Variants in POLG observed in about 807,000 individuals in gnomAD.
POLG encodes DNA polymerase subunit gamma-1.
Under a neutral mutation model 155.4 loss-of-function variants are expected in POLG, and 110 were observed. That is an observed-to-expected ratio of 0.71 (90% CI 0.61 to 0.83). The LOEUF is 0.83. Among genes scored for constraint, POLG ranks in the 40% least tolerant of loss-of-function variants. The pLI, the probability that POLG is intolerant of heterozygous loss-of-function variation, is 0.00. For missense variants in POLG, 1,685 were observed against 1,627.5 expected, an observed-to-expected ratio of 1.04 and a Z score of -0.61; for synonymous variants, 701 against 631.5, an observed-to-expected ratio of 1.11 and a Z score of -1.65.
chr15:89,317,113 T>G lies in POLG; in HGVS notation c.3643+263A>C, dbSNP rs1051297210. On this transcript the variant is annotated intron_variant, in intron 22 of 22. Transcript: ENST00000268124. ...GAGTGCAAGAATGCACTCTATAGAA[T>G]AAATTATCTTTAAACATTTCTTCTG... is the stretch of plus-strand genomic sequence containing the variant. The G allele has an allele frequency of 1.9e-5, 11 of 593,654 alleles. No individual in the cohort carries two copies. The African/African-American group carries it at 2.0e-4, about 11-fold the overall frequency. The allele number at this position is 593,654 out of a possible 1,614,324, so 36.8% of individuals were successfully genotyped here.
Position 89,319,292 on chromosome 15 carries a change from T to C in POLG, c.3040A>G (p.Arg1014Gly), listed in dbSNP as rs764195223. 5.0e-6 allele frequency: 8 copies of C among 1,614,050 alleles called. No individual in the cohort carries two copies. In the Admixed American group the frequency reaches 1.3e-4, roughly 27 times the overall value. ...LVRELNLPVD[R>G]TEGGWISLQD... ...AGGGAAATCCAGCCACCCTCAGTCC[T>C]GTCCACTGGGAGGTTCAACTCCCTC... Residue 1014 changes from arginine (R) to glycine (G), a missense_variant, in exon 19 of 23, where the codon AGG becomes GGG. By Grantham distance (125) the Arg-to-Gly change is moderately radical. Coordinates refer to ENST00000268124, the MANE Select transcript of POLG (RefSeq NM_002693.3).
At chr15:89,327,859 G>A (rs1483849624) in intron 6 of POLG, among the ~76,000 whole-genome samples, 1 of 151,894 alleles carries the variant, frequency 6.6e-6, no homozygotes, top group African/African-American at 2.4e-5. Flanking sequence ...TCTTTATGAT[G>A]ATCCACTTCC....
In POLG at chr15:89,316,742, C is replaced by T. The variant is rs527419983; in HGVS notation, c.*9G>A. On this transcript the variant is annotated 3_prime_UTR_variant, in exon 23 of 23. Transcript: ENST00000268124. ...TCCACGGGAGCAAATACAGAGCCTCCAGGCAGTGCTATGGTCCAGGCTGGC... is the reference window on the plus strand; with the variant it reads ...TCCACGGGAGCAAATACAGAGCCTCTAGGCAGTGCTATGGTCCAGGCTGGC... The T allele has an allele frequency of 3.7e-6, 6 of 1,606,822 alleles. No individual in the cohort carries two copies. In the African/African-American group the frequency reaches 5.3e-5, roughly 14 times the overall value.
At chr15:89,320,206 A>G (rs546643293) in intron 18 of POLG, among the ~76,000 whole-genome samples, 5 of 152,358 alleles carry the variant, frequency 3.3e-5, no homozygotes, top group Admixed American at 3.3e-4. Flanking sequence ...AGTGTACTGT[A>G]CCTCAGGAAG....
intron 10 of POLG, among the ~76,000 whole-genome samples, chr15:89,325,111 AGAGTGAGT>A (rs554059036): frequency 1.4e-4 from 5 of 36,910 alleles, no homozygotes; most frequent in Admixed American, 4.4e-4. Context: ...AGAGTGAGAG[AGAGTGAGT>A]GAGTGAGTGA....
intron 2 of POLG, 95 bp downstream of exon 2, chr15:89,333,001 C>A: frequency 6.8e-7 from 1 of 1,469,304 alleles, no homozygotes; most frequent in Non-Finnish European, 9.0e-7. Flanking sequence ...CGTGAGCACC[C>A]AGCCCGTAAC....
intron 16 of POLG, 109 bp downstream of exon 16, chr15:89,321,626 TC>T: frequency 1.2e-6 from 1 of 858,292 alleles, no homozygotes; most frequent in Non-Finnish European, 2.0e-6. Flanking sequence ...CTGACCCAGA[TC>T]ACAGGGTCCT....
intron 2 of POLG, 127 bp downstream of exon 2, chr15:89,332,969 T>C: frequency 1.5e-6 from 2 of 1,291,456 alleles, no homozygotes; most frequent in South Asian, 1.9e-5. Flanking sequence ...CTAGTCCTAA[T>C]TCAACACATC....
At chr15:89,326,161 T>G (rs2055514406) in intron 9 of POLG, among the ~76,000 whole-genome samples, 1 of 152,206 alleles carries the variant, frequency 6.6e-6, no homozygotes, top group Non-Finnish European at 1.5e-5. Context: ...GGCACCCTGC[T>G]GCTCACCCTG....
intron 22 of POLG, chr15:89,317,110 G>T: frequency 1.7e-6 from 1 of 592,974 alleles, no homozygotes; most frequent in Non-Finnish European, 3.0e-6. Context: ...GCACTCTATA[G>T]AATAAATTAT....
intron 12 of POLG, 27 bp downstream of exon 12, chr15:89,323,788 G>A: frequency 1.9e-6 from 3 of 1,586,302 alleles, no homozygotes; most frequent in Non-Finnish European, 2.6e-6. Context: ...CACCCACCTA[G>A]AGAACCCAAG....
Position 89,319,226 on chromosome 15 carries a change from A to C in POLG, c.3104+2T>G. Reference sequence around the variant, plus strand: ...CATCCTTAACACAAAGAAGGTTCTTACTTCCTTGCAGTTTCTCTCTGGACC... The same window carrying C: ...CATCCTTAACACAAAGAAGGTTCTTCCTTCCTTGCAGTTTCTCTCTGGACC... On this transcript the variant is annotated splice_donor_variant, in intron 19 of 22. Transcript: ENST00000268124. LOFTEE classifies it high-confidence loss of function. The C allele has an allele frequency of 6.2e-7, 1 of 1,614,112 alleles. No homozygotes were observed.
Position 89,316,702 on chromosome 15 carries a change from C to T in POLG, c.*49G>A, listed in dbSNP as rs758880377. The T allele has an allele frequency of 7.1e-7, 1 of 1,409,154 alleles. No individual in the cohort carries two copies. Among genetic ancestry groups the T allele is most frequent in the Admixed American group, 1.9e-5 (1 of 51,600 alleles). The allele number at this position is 1,409,154 out of a possible 1,614,324, so 87.3% of individuals were successfully genotyped here. A position where few individuals can be genotyped will look rare whatever the true frequency, so the allele number is the denominator to read the frequency against. On this transcript the variant is annotated 3_prime_UTR_variant, in exon 23 of 23. Transcript: ENST00000268124. ...GAAAGCCTGAGTTTGGGAGCCTGCACCACCCCGATGAAGCTCCACGGGAGC... is the reference window on the plus strand; with the variant it reads ...GAAAGCCTGAGTTTGGGAGCCTGCATCACCCCGATGAAGCTCCACGGGAGC...
In POLG at chr15:89,323,412, G is replaced by A. The variant is rs1446536384; in HGVS notation, c.2257C>T (p.Pro753Ser). ...DIPGCWFFKL[P>S]HKDGNSCNVG... ...CATGACCCAGGACACACCTTGTGAG[G>A]CAGCTTGAAAAACCAGCAGCCAGGG... Residue 753 changes from proline to serine, a missense_variant, in exon 13 of 23, where the codon CCT becomes TCT. This residue lies in a region of POLG where 1,210 missense variants were observed against 1,167.1 expected (regional missense o/e 1.04). Transcript: ENST00000268124. 3 of 1,607,816 alleles carry A rather than the reference G, an allele frequency of 1.9e-6. No homozygotes were observed. In the African/African-American group the frequency reaches 4.0e-5, roughly 21 times the overall value.
intron 9 of POLG, 72 bp from the exon 10 acceptor site, chr15:89,325,758 A>T: frequency 8.4e-7 from 1 of 1,184,090 alleles, no homozygotes. Flanking sequence ...TCTCTCTCTC[A>T]CAATGTCCCC....
At chr15:89,332,613 CG>C (rs3216330) in intron 2 of POLG, among the ~76,000 whole-genome samples, 4 of 60,464 alleles carry the variant, frequency 6.6e-5, no homozygotes, top group African/African-American at 3.1e-4. Flanking sequence ...GGCAGGGGGG[CG>C]GGGGGGTGTT....
Position 89,320,783 on chromosome 15 carries a change from G to A in POLG, c.2964C>T (p.Ala988=), listed in dbSNP as rs565520786. The A allele has an allele frequency of 6.8e-6, 11 of 1,613,444 alleles. No homozygotes were observed. The highest frequency in any genetic ancestry group is 2.7e-5 in the African/African-American group (2 of 75,042). ...ACCCTCACCAGCGGAGGCCCTTGGT[G>A]GCAGCGTACATCTGCTGGGCCTTCT... The part of the protein sequence containing the change: ...AAEKAQQMYA[A]TKGLRWYRLS... The change falls in exon 18 of 23, where the codon GCC becomes GCT. Residue 988 remains alanine, a synonymous_variant. Coordinates refer to ENST00000268124, the MANE Select transcript of POLG (RefSeq NM_002693.3).
intron 18 of POLG, among the ~76,000 whole-genome samples, chr15:89,319,735 G>T (rs2055366553): frequency 6.6e-6 from 1 of 152,152 alleles, no homozygotes; most frequent in South Asian, 2.1e-4. Context: ...AGATTTGGGG[G>T]GATAGGGGTA....
At chr15:89,324,698 G>A (rs1428028860) in intron 10 of POLG, among the ~76,000 whole-genome samples, 1 of 152,200 alleles carries the variant, frequency 6.6e-6, no homozygotes, top group African/African-American at 2.4e-5. Flanking sequence ...ACACCTGCCT[G>A]CCTAAAGCTC....
Sources: gnomAD v4.1 joint callset for allele counts (sites outside exome capture counted in the v4.1 genomes callset) on GRCh38, gnomAD v4.1.1 for gene constraint, gnomAD v4.1.1 regional missense constraint, MANE v1.5 for transcripts, NCBI Gene and HGNC (gene_info 2026-07-23, HGNC 2026-07-21) for gene names.